SPOCK3: variants seen among roughly 807,000 people sequenced by gnomAD.
SPOCK3 encodes SPARC (osteonectin), cwcv and kazal like domains proteoglycan 3.
A neutral mutation model predicts 56.6 loss-of-function variants in SPOCK3; 30 were observed. That is an observed-to-expected ratio of 0.53 (90% CI 0.40 to 0.72). The LOEUF (loss-of-function observed/expected upper bound fraction) is 0.72. Ranked by LOEUF, SPOCK3 falls within the 30% of genes least tolerant of loss-of-function variation. SPOCK3 has a pLI of 0.00. For missense variants in SPOCK3, 527 were observed against 530.0 expected (o/e 0.99, Z 0.06); for synonymous variants, 196 against 183.3 (o/e 1.07, Z -0.56).
intron 6 of SPOCK3, among the ~76,000 whole-genome samples, chr4:166,884,544 C>T (rs924295480): frequency 6.6e-6 from 1 of 151,610 alleles, no homozygotes; most frequent in East Asian, 1.9e-4. Context: ...TTAAAAGCAC[C>T]AGAAATAAAA....
chr4:167,057,651 A>C (rs1396456745), intron 3 of SPOCK3, among the ~76,000 whole-genome samples: 3 of 152,170 alleles, frequency 2.0e-5, no homozygotes, highest in Non-Finnish European at 4.4e-5. Context: ...TCTCTGATAA[A>C]ACAGACTTTA....
chr4:166,741,971 C>T (rs780282453), intron 9 of SPOCK3, 26 bp downstream of exon 9: 5 of 1,537,854 alleles, frequency 3.3e-6, no homozygotes, highest in Non-Finnish European at 4.5e-6. Context: ...GCAATAAAGC[C>T]TTCAGAAGAA....
intron 4 of SPOCK3, among the ~76,000 whole-genome samples, chr4:166,927,491 T>TC (rs1739248223): frequency 6.6e-6 from 1 of 152,168 alleles, no homozygotes; most frequent in Admixed American, 6.6e-5. Context: ...ACCTATTTTT[T>TC]CCCCACTCTC....
chr4:167,140,685 G>C (rs984930457), intron 2 of SPOCK3, among the ~76,000 whole-genome samples: 1 of 151,980 alleles, frequency 6.6e-6, no homozygotes, highest in African/African-American at 2.4e-5. Flanking sequence ...TCAATAAAAT[G>C]AGAAAACCTT....
chr4:167,204,744 C>A (rs1331682673), intron 2 of SPOCK3, among the ~76,000 whole-genome samples: 1 of 151,906 alleles, frequency 6.6e-6, no homozygotes, highest in African/African-American at 2.4e-5. Flanking sequence ...CATCTTCTAA[C>A]CTTTTAAAGT....
chr4:166,946,473 C>A lies in SPOCK3; in HGVS notation c.351-33730G>T, dbSNP rs756259529. On this transcript the variant is annotated intron_variant, in intron 4 of 10. Transcript: ENST00000357545. Reference sequence around the variant, plus strand: ...GAGCATGCTAGCATATTCCTGCTAACCTGTGCCGCCAAGTCCTTTGCTCTA... The same window carrying A: ...GAGCATGCTAGCATATTCCTGCTAAACTGTGCCGCCAAGTCCTTTGCTCTA... 3.2e-4 allele frequency among the ~76,000 whole-genome samples: 49 copies of A among 152,298 alleles called. 1 individual carries two copies. The highest frequency in any genetic ancestry group is 9.8e-4 in the Admixed American group (15 of 15,286).
At chr4:166,966,135 C>T (rs1165026787) in intron 4 of SPOCK3, among the ~76,000 whole-genome samples, 1 of 151,896 alleles carries the variant, frequency 6.6e-6, no homozygotes, top group Non-Finnish European at 1.5e-5. Context: ...ATGTGGGTTT[C>T]AGTTTCCTCC....
chr4:167,058,096 G>A (rs1755112327), intron 3 of SPOCK3, among the ~76,000 whole-genome samples: 1 of 151,946 alleles, frequency 6.6e-6, no homozygotes, highest in Non-Finnish European at 1.5e-5. Flanking sequence ...CTCTCAGACA[G>A]GGATGCCCTC....
At chr4:166,876,715 C>T (rs1451564685) in intron 6 of SPOCK3, among the ~76,000 whole-genome samples, 1 of 151,992 alleles carries the variant, frequency 6.6e-6, no homozygotes, top group Non-Finnish European at 1.5e-5. Context: ...CATTTAGTAT[C>T]AAACTCCAGA....
At chr4:166,775,533 C>G (rs1241611569) in intron 7 of SPOCK3, among the ~76,000 whole-genome samples, 1 of 152,094 alleles carries the variant, frequency 6.6e-6, no homozygotes, top group Non-Finnish European at 1.5e-5. Context: ...TTCTGGGCAT[C>G]AAAGCTAGAA....
intron 2 of SPOCK3, among the ~76,000 whole-genome samples, chr4:167,142,997 G>A (rs1347853972): frequency 1.3e-5 from 2 of 151,874 alleles, no homozygotes; most frequent in African/African-American, 4.8e-5. Flanking sequence ...ACTTTCCCAT[G>A]TATTTAGAAA....
chr4:166,838,586 C>T (rs930318825), intron 6 of SPOCK3, among the ~76,000 whole-genome samples: 4 of 150,448 alleles, frequency 2.7e-5, no homozygotes, highest in Admixed American at 6.7e-5. Context: ...TTTGCTGGGA[C>T]TTTAGAAAAA....
chr4:167,122,042 C>A (rs1185603393), intron 2 of SPOCK3, among the ~76,000 whole-genome samples: 3 of 151,206 alleles, frequency 2.0e-5, no homozygotes, highest in Non-Finnish European at 4.4e-5. Flanking sequence ...TGCCTCCCTC[C>A]CTTCCTTCCT....
intron 6 of SPOCK3, among the ~76,000 whole-genome samples, chr4:166,869,396 C>T (rs1455068165): frequency 6.6e-6 from 1 of 152,076 alleles, no homozygotes; most frequent in African/African-American, 2.4e-5. Context: ...CCTCAAGGAG[C>T]ACAGCTTTTT....
At chr4:167,108,670 G>C (rs1760402603) in intron 2 of SPOCK3, among the ~76,000 whole-genome samples, 1 of 151,468 alleles carries the variant, frequency 6.6e-6, no homozygotes, top group Admixed American at 6.6e-5. Context: ...AGCATAGTGG[G>C]GTGGGGGAAG....
chr4:166,782,445 T>G (rs2126620947), intron 7 of SPOCK3, among the ~76,000 whole-genome samples: 1 of 152,300 alleles, frequency 6.6e-6, no homozygotes. Context: ...GGTATAGATC[T>G]GAAAATCATT....
chr4:166,919,935 A>T (rs898870340), intron 4 of SPOCK3, among the ~76,000 whole-genome samples: 1 of 152,188 alleles, frequency 6.6e-6, no homozygotes. Flanking sequence ...AAATAAATCT[A>T]AGGTTAGATT....
chr4:166,991,561 G>C lies in SPOCK3; in HGVS notation c.350+8788C>G, dbSNP rs149086582. Among the ~76,000 whole-genome samples, 1,340 of 151,680 alleles carry C rather than the reference G, an allele frequency of 8.8e-3. 20 individuals carry two copies. Among genetic ancestry groups the C allele is most frequent in the African/African-American group, 0.03 (1,253 of 41,364 alleles). On this transcript the variant is annotated intron_variant, in intron 4 of 10. Transcript: ENST00000357545. ...ATTTTTGTATTTTTAGTAGACACAGGGTTTCACCATATTGGCCAGGCTCAT... is the reference window on the plus strand; with the variant it reads ...ATTTTTGTATTTTTAGTAGACACAGCGTTTCACCATATTGGCCAGGCTCAT...
chr4:167,155,082 A>G (rs930158319), intron 2 of SPOCK3, among the ~76,000 whole-genome samples: 1 of 152,104 alleles, frequency 6.6e-6, no homozygotes, highest in African/African-American at 2.4e-5. Context: ...GTAATGTATT[A>G]TAAATGTATC....
Sources: gnomAD v4.1 joint callset for allele counts (sites outside exome capture counted in the v4.1 genomes callset) on GRCh38, gnomAD v4.1.1 for gene constraint, MANE v1.5 for transcripts, NCBI Gene and HGNC (gene_info 2026-07-23, HGNC 2026-07-21) for gene names.